GHR: variants seen among roughly 807,000 people sequenced by gnomAD.
The protein encoded by GHR is GH receptor.
GHR carries 35 observed loss-of-function variants against 67.1 expected under a neutral mutation model. The observed-to-expected ratio is 0.52, with a 90% CI of 0.40 to 0.69. GHR has a LOEUF of 0.69. Among genes scored for constraint, GHR ranks in the 30% least tolerant of loss-of-function variants. The pLI is 0.00. For missense variants in GHR, 792 were observed against 764.6 expected (o/e 1.04, Z -0.42); for synonymous variants, 272 against 269.1 (o/e 1.01, Z -0.10).
chr5:42,651,479 T>C (rs1416854444), intron 3 of GHR, among the ~76,000 whole-genome samples: 3 of 152,180 alleles, frequency 2.0e-5, no homozygotes, highest in Non-Finnish European at 4.4e-5. Flanking sequence ...TAGGCATATA[T>C]GGGCCAAGAG....
intron 1 of GHR, among the ~76,000 whole-genome samples, chr5:42,515,572 T>A (rs1201827631): frequency 6.6e-6 from 1 of 152,236 alleles, no homozygotes. Context: ...ATGCATTTAG[T>A]GGTAATTCTT....
At chr5:42,489,574 T>C (rs1746025432) in intron 1 of GHR, among the ~76,000 whole-genome samples, 1 of 152,218 alleles carries the variant, frequency 6.6e-6, no homozygotes, top group African/African-American at 2.4e-5. Flanking sequence ...TTTTTGGAAA[T>C]GCAACAACTA....
intron 2 of GHR, among the ~76,000 whole-genome samples, chr5:42,609,798 A>T (rs75401261): frequency 6.6e-6 from 1 of 152,280 alleles, no homozygotes; most frequent in East Asian, 1.9e-4. Flanking sequence ...ATCCTTTGAA[A>T]TCTCAAAATC....
At chr5:42,482,141 G>C (rs1561067249) in intron 1 of GHR, among the ~76,000 whole-genome samples, 1 of 152,108 alleles carries the variant, frequency 6.6e-6, no homozygotes, top group Non-Finnish European at 1.5e-5. Context: ...TTTGCTAGAC[G>C]TCCACTCCAG....
intron 1 of GHR, among the ~76,000 whole-genome samples, chr5:42,427,559 C>T (rs1278820862): frequency 6.6e-6 from 1 of 152,216 alleles, no homozygotes; most frequent in Non-Finnish European, 1.5e-5. Flanking sequence ...CAAACCATAT[C>T]ATTCCGCTCC....
chr5:42,525,143 C>G (rs143180750), intron 1 of GHR, among the ~76,000 whole-genome samples: 5,794 of 152,236 alleles, frequency 0.038, 362 homozygotes, highest in African/African-American at 0.13. Context: ...GGTAGATCCA[C>G]CAACAGCTTG....
intron 2 of GHR, among the ~76,000 whole-genome samples, chr5:42,568,709 T>C (rs1257693638): frequency 6.6e-6 from 1 of 152,158 alleles, no homozygotes; most frequent in Non-Finnish European, 1.5e-5. Context: ...AGCTGGGACA[T>C]GAGGAATGTC....
intron 1 of GHR, chr5:42,425,120 C>CA: frequency 1.7e-6 from 1 of 576,818 alleles, no homozygotes; most frequent in Non-Finnish European, 2.2e-6. Flanking sequence ...TAACTAAACG[C>CA]ATTGCCCTGA....
rs766291900 is a variant in GHR at position 42,719,387 on chromosome 5, A to G, written c.1880A>G (p.Tyr627Cys). The G allele has an allele frequency of 6.2e-7, 1 of 1,613,914 alleles. No individual in the cohort carries two copies. Among genetic ancestry groups the G allele is most frequent in the Non-Finnish European group, 8.5e-7 (1 of 1,179,916 alleles). The change falls in exon 10 of 10, where the codon TAT becomes TGT. Residue 627 changes from tyrosine (Y) to cysteine (C), a missense_variant. Coordinates refer to ENST00000230882, the MANE Select transcript of GHR (RefSeq NM_000163.5). Reference protein sequence around the residue: ...PDKEFLSSCGYVSTDQLNKIM... With the variant: ...PDKEFLSSCGCVSTDQLNKIM... ...AAAGAGTTTCTCTCATCATGTGGCT[A>G]TGTGAGCACAGACCAACTGAACAAA...
At chr5:42,701,176 T>G in intron 6 of GHR, among the ~76,000 whole-genome samples, 1 of 152,152 alleles carries the variant, frequency 6.6e-6, no homozygotes, top group African/African-American at 2.4e-5. Context: ...TATGTTGAAA[T>G]TTAACTTAAT....
chr5:42,468,374 G>T (rs1744831515), intron 1 of GHR: 1 of 1,334,754 alleles, frequency 7.5e-7, no homozygotes, highest in Admixed American at 2.3e-5. Context: ...CCCAGCACAG[G>T]TCAAACCCCA....
intron 1 of GHR, among the ~76,000 whole-genome samples, chr5:42,464,468 G>A (rs549154645): frequency 1.3e-5 from 2 of 152,282 alleles, no homozygotes; most frequent in South Asian, 4.2e-4. Flanking sequence ...GAGCTCTCTG[G>A]AAGATGGTAG....
At chr5:42,586,792 C>T (rs1232291871) in intron 2 of GHR, among the ~76,000 whole-genome samples, 2 of 152,092 alleles carry the variant, frequency 1.3e-5, no homozygotes, top group South Asian at 2.1e-4. Context: ...ACGTCTGAGC[C>T]AGAGGGCTGG....
intron 1 of GHR, among the ~76,000 whole-genome samples, chr5:42,511,434 T>C (rs1747011324): frequency 6.6e-6 from 1 of 152,122 alleles, no homozygotes; most frequent in Non-Finnish European, 1.5e-5. Context: ...GACTTGTGGG[T>C]TTTTAAACTT....
chr5:42,638,182 G>GCC (rs113510668), intron 3 of GHR, among the ~76,000 whole-genome samples: 25 of 151,816 alleles, frequency 1.6e-4, no homozygotes, highest in African/African-American at 5.1e-4. Flanking sequence ...CTCGTGATCT[G>GCC]CCCCCCTCAG....
rs112823235 is a variant in GHR, at chr5:42,648,260, T to G, written c.136+19157T>G. Among the ~76,000 whole-genome samples the G allele has an allele frequency of 8.3e-3, 1,261 of 152,288 alleles. 20 individuals are homozygous for G. The highest frequency in any genetic ancestry group is 0.029 in the African/African-American group (1,224 of 41,546). On this transcript the variant is annotated intron_variant, in intron 3 of 9. Transcript: ENST00000230882. ...CAAGTGTTCTAGGAATCTGTAAGTC[T>G]TAGAGTTCTGAGGTTTATTCCCAAA...
rs558655649 is a variant in GHR at position 42,462,771 on chromosome 5, T to C, written c.-12+38816T>C. 2.6e-5 allele frequency among the ~76,000 whole-genome samples: 4 copies of C among 152,142 alleles called. No homozygotes were observed. The South Asian group carries it at 8.3e-4, about 32-fold the overall frequency. ...AAATTCAAAAATTATAATACAAGGT[T>C]GTAATGTCAGCACTTCCTATTGCAT... On this transcript the variant is annotated intron_variant, in intron 1 of 9. Transcript: ENST00000230882.
At chr5:42,567,826 C>T (rs1296136817) in intron 2 of GHR, among the ~76,000 whole-genome samples, 2 of 148,712 alleles carry the variant, frequency 1.3e-5, no homozygotes, top group Admixed American at 1.4e-4. Flanking sequence ...CTAGTTCTGG[C>T]CACTTATCTA....
At chr5:42,697,376 G>A (rs1757724627) in intron 5 of GHR, among the ~76,000 whole-genome samples, 1 of 152,242 alleles carries the variant, frequency 6.6e-6, no homozygotes, top group Non-Finnish European at 1.5e-5. Flanking sequence ...TAATCCCAAC[G>A]AGGATGGAAA....
Sources: allele counts gnomAD v4.1 joint callset (sites outside exome capture counted in the v4.1 genomes callset), GRCh38; gene constraint gnomAD v4.1.1; transcripts MANE v1.5; gene names NCBI Gene and HGNC (gene_info 2026-07-23, HGNC 2026-07-21).